The following PISD variants were observed in gnomAD, a reference collection of about 807,000 sequenced individuals.
PISD encodes the protein phosphatidylserine decarboxylase proenzyme, mitochondrial.
In PISD, 31 loss-of-function variants were observed where a neutral mutation model predicts 43.5. The observed-to-expected ratio is 0.71, with a 90% CI of 0.54 to 0.96. The LOEUF is 0.96. Ranked by LOEUF, PISD falls within the 40% of genes least tolerant of loss-of-function variation. PISD has a pLI of 0.00. For missense variants in PISD, 523 were observed against 548.4 expected (o/e 0.95, Z 0.46); for synonymous variants, 259 against 228.7 (o/e 1.13, Z -1.20).
intron 3 of PISD, chr22:31,638,738 C>G: frequency 1.7e-5 from 7 of 402,256 alleles, no homozygotes; most frequent in Non-Finnish European, 2.4e-5. Context: ...CTTCCTGCCT[C>G]AGCCTCTCAG....
At chr22:31,646,065 T>C (rs776328839) in intron 3 of PISD, among the ~76,000 whole-genome samples, 26 of 151,914 alleles carry the variant, frequency 1.7e-4, no homozygotes, top group Non-Finnish European at 3.1e-4. Context: ...GTCCAGACCA[T>C]TTCCCCCTCA....
intron 3 of PISD, among the ~76,000 whole-genome samples, chr22:31,634,810 G>C (rs1482094845): frequency 6.9e-6 from 1 of 144,234 alleles, no homozygotes; most frequent in Non-Finnish European, 1.5e-5. Context: ...CATTCAGCCT[G>C]GGTGACAGAG....
chr22:31,624,207 C>T (rs1326710218), intron 3 of PISD, among the ~76,000 whole-genome samples: 3 of 152,322 alleles, frequency 2.0e-5, no homozygotes, highest in Non-Finnish European at 4.4e-5. Flanking sequence ...GGCCCAAGCA[C>T]CTGGGCCCAG....
At chr22:31,658,177 G>T (rs2074229922) in intron 1 of PISD, among the ~76,000 whole-genome samples, 1 of 152,164 alleles carries the variant, frequency 6.6e-6, no homozygotes, top group Admixed American at 6.6e-5. Flanking sequence ...GAATGGATGG[G>T]TTCAAACAGA....
chr22:31,618,705 T>A lies in PISD; in HGVS notation c.*907A>T. The A allele has an allele frequency of 3.3e-6, 1 of 306,352 alleles. No individual in the cohort carries two copies. The highest frequency in any genetic ancestry group is 5.9e-6 in the Non-Finnish European group (1 of 168,534). The allele number at this position is 306,352 out of a possible 1,614,324, so 19.0% of individuals were successfully genotyped here. A position where few individuals can be genotyped will look rare whatever the true frequency, so the allele number is the denominator to read the frequency against. ...TGGGGGCTCCCCAGGCCTGCGTTCC[T>A]GATAAACTGGGACAGGTTTTCCAGG... On this transcript the variant is annotated 3_prime_UTR_variant, in exon 8 of 8. Transcript: ENST00000439502.
At chr22:31,646,193 T>TTG (rs2073883416) in intron 3 of PISD, among the ~76,000 whole-genome samples, 1 of 152,052 alleles carries the variant, frequency 6.6e-6, no homozygotes, top group Non-Finnish European at 1.5e-5. Flanking sequence ...GCCCAGGAGT[T>TTG]TGAGACCAGC....
chr22:31,619,619 G>T lies in PISD; in HGVS notation c.1223C>A (p.Ser408Ter). The change falls in exon 8 of 8, where the codon TCG becomes TAG. Residue 408 changes from serine (S) to a stop codon, truncating the protein, a stop_gained. Transcript: ENST00000439502. LOFTEE classifies it high-confidence loss of function. ...QKIRFGEALGSL is the reference protein window; with the variant it reads ...QKIRFGEALG The stretch of plus-strand genomic sequence containing the variant: ...ATAATCAGGAAAGAGACTCTAGAGC[G>T]AGCCCAGGGCTTCCCCAAAGCGGAT... 1 of 1,612,890 alleles carries T rather than the reference G, an allele frequency of 6.2e-7. No individual in the cohort carries two copies. The highest frequency in any genetic ancestry group is 1.3e-5 in the African/African-American group (1 of 75,038).
intron 3 of PISD, chr22:31,626,279 C>T (rs960572063): frequency 3.0e-5 from 5 of 164,582 alleles, no homozygotes; most frequent in Middle Eastern, 2.7e-3. Context: ...GCTGCCAGGG[C>T]TTTCAGGCCC....
At chr22:31,660,538 G>A (rs867594918) in intron 1 of PISD, among the ~76,000 whole-genome samples, 2 of 152,178 alleles carry the variant, frequency 1.3e-5, no homozygotes, top group African/African-American at 2.4e-5. Flanking sequence ...TGCACCTGTG[G>A]TCCTAGCTAC....
chr22:31,645,061 C>T (rs764563776), intron 3 of PISD, among the ~76,000 whole-genome samples: 9 of 151,864 alleles, frequency 5.9e-5, no homozygotes, highest in Admixed American at 1.3e-4. Flanking sequence ...GTGGAGCTTG[C>T]AGTGAGCCGA....
intron 7 of PISD, among the ~76,000 whole-genome samples, chr22:31,620,087 TGC>T (rs2072430417): frequency 3.3e-5 from 5 of 152,212 alleles, no homozygotes; most frequent in African/African-American, 1.2e-4. Context: ...GTGGTCTCCA[TGC>T]ATGGTGCTGG....
At position 31,620,555 on chromosome 22, in the gene PISD, G is replaced by T. The variant is rs138552593; in HGVS notation, c.1003C>A (p.Arg335=). 6.2e-7 allele frequency: 1 copy of T among 1,614,092 alleles called. No homozygotes were observed. Among genetic ancestry groups the T allele is most frequent in the East Asian group, 2.2e-5 (1 of 44,880 alleles). ...NVGSIRIYFD[R]DLHTNSPRHS... Reference sequence around the variant, plus strand: ...GGCAGGGCCTAGATCCTGCTTACCCGGTCAAAGTAGATGCGAATGGAGCCC... The same window carrying T: ...GGCAGGGCCTAGATCCTGCTTACCCTGTCAAAGTAGATGCGAATGGAGCCC... Residue 335 remains arginine (R), a splice_region_variant and synonymous_variant, in exon 7 of 8, where the codon CGG becomes AGG. Transcript: ENST00000439502.
chr22:31,629,584 G>T (rs55989741), intron 3 of PISD: 9,005 of 143,294 alleles, frequency 0.063, 394 homozygotes, highest in Admixed American at 0.14. Flanking sequence ...GTGTATGGGT[G>T]TGTAGGTGCA....
chr22:31,652,702 G>C (rs1159231058), intron 1 of PISD, among the ~76,000 whole-genome samples: 1 of 147,782 alleles, frequency 6.8e-6, no homozygotes, highest in Non-Finnish European at 1.5e-5. Flanking sequence ...CAGCTACTCG[G>C]GAGGCTGAGG....
At chr22:31,654,201 T>C (rs1443429564) in intron 1 of PISD, among the ~76,000 whole-genome samples, 2 of 151,926 alleles carry the variant, frequency 1.3e-5, no homozygotes, top group African/African-American at 2.4e-5. Context: ...CTCAGCAGCA[T>C]GACACAGTTG....
At chr22:31,629,610 TGAG>T (rs1253016937) in intron 3 of PISD, 1 of 40,806 alleles carries the variant, frequency 2.5e-5, no homozygotes, top group Non-Finnish European at 4.8e-5. Context: ...TGTGTGTAGG[TGAG>T]GGGGTGTGTG....
intron 3 of PISD, among the ~76,000 whole-genome samples, chr22:31,639,321 G>A (rs1024568093): frequency 4.6e-5 from 7 of 151,998 alleles, no homozygotes; most frequent in Non-Finnish European, 4.4e-5. Context: ...ACAGGCGCCC[G>A]CCACCACACC....
intron 3 of PISD, among the ~76,000 whole-genome samples, chr22:31,636,849 T>G (rs1284287352): frequency 6.6e-6 from 1 of 151,778 alleles, no homozygotes; most frequent in Admixed American, 6.6e-5. Flanking sequence ...GCCTAATTTT[T>G]GTATTTTTAG....
intron 3 of PISD, among the ~76,000 whole-genome samples, chr22:31,631,147 A>G (rs1414542559): frequency 6.6e-6 from 1 of 152,138 alleles, no homozygotes; most frequent in Non-Finnish European, 1.5e-5. Context: ...GTCTGTCCTC[A>G]GTCTGTCCGC....
Sources: gnomAD v4.1 joint callset for allele counts (sites outside exome capture counted in the v4.1 genomes callset) on GRCh38, gnomAD v4.1.1 for gene constraint, MANE v1.5 for transcripts, NCBI Gene and HGNC (gene_info 2026-07-23, HGNC 2026-07-21) for gene names.